The following SYNCRIP variants were observed in gnomAD, a reference collection of about 807,000 sequenced individuals.
SYNCRIP encodes the protein synaptotagmin binding cytoplasmic RNA interacting protein.
In SYNCRIP, 9 loss-of-function variants were observed where a neutral mutation model predicts 68.9. The observed-to-expected ratio is 0.13, with a 90% CI of 0.08 to 0.23. The LOEUF is 0.23. Among genes scored for constraint, SYNCRIP ranks in the 10% least tolerant of loss-of-function variants. The pLI is 1.00. For synonymous variants in SYNCRIP, 258 were observed against 254.0 expected, an observed-to-expected ratio of 1.02 and a Z score of -0.15; for missense variants, 414 against 770.6, an observed-to-expected ratio of 0.54 and a Z score of 5.48.
intron 6 of SYNCRIP, among the ~76,000 whole-genome samples, chr6:85,625,519 C>T (rs1204910608): frequency 6.6e-6 from 1 of 152,008 alleles, no homozygotes; most frequent in Admixed American, 6.6e-5. Context: ...TCCCGAGTAG[C>T]TGTGATTACA....
At chr6:85,636,243 G>A (rs1411421303) in intron 6 of SYNCRIP, among the ~76,000 whole-genome samples, 10 of 151,992 alleles carry the variant, frequency 6.6e-5, no homozygotes, top group Admixed American at 3.9e-4. Flanking sequence ...TCAGGAGTTC[G>A]AGACCAGCCT....
At chr6:85,633,024 G>A (rs976032293) in intron 6 of SYNCRIP, among the ~76,000 whole-genome samples, 4 of 149,652 alleles carry the variant, frequency 2.7e-5, no homozygotes, top group Admixed American at 2.0e-4. Context: ...AAGCCAAGGC[G>A]GGTGAATCAC....
In SYNCRIP at chr6:85,624,097, T is replaced by C. The variant is rs757585499; in HGVS notation, c.682A>G (p.Ile228Val). 3 of 1,613,704 alleles carry C rather than the reference T, an allele frequency of 1.9e-6. No individual in the cohort carries two copies. The highest frequency in any genetic ancestry group is 2.5e-6 in the Non-Finnish European group (3 of 1,179,846). ...ACACCAATATGTTTTCCAGAACGAA[T>C]TTCATGATTATTATACTGAAAGGGG... Reference protein sequence around the residue: ...EAVKLYNNHEIRSGKHIGVCI... With the variant: ...EAVKLYNNHEVRSGKHIGVCI... The change falls in exon 7 of 11, where the codon ATT becomes GTT. Residue 228 changes from isoleucine to valine, a missense_variant. Physicochemically the swap from Ile to Val is conservative, Grantham distance 29. Transcript: ENST00000369622.
In SYNCRIP at chr6:85,640,567, G is replaced by A. The variant is rs753611798; in HGVS notation, c.149-3C>T. The A allele has an allele frequency of 6.5e-7, 1 of 1,537,572 alleles. No individual in the cohort carries two copies. Among genetic ancestry groups the A allele is most frequent in the South Asian group, 1.2e-5 (1 of 81,698 alleles). On this transcript the variant is annotated splice_region_variant and splice_polypyrimidine_tract_variant and intron_variant, in intron 2 of 10. Coordinates refer to ENST00000369622, the MANE Select transcript of SYNCRIP (RefSeq NM_006372.5). ...TAAATCACTATGTGCAACTAGCCCT[G>A]AAAAAAATAAAAGTTATCAGCTTTT...
chr6:85,637,760 C>T (rs1808624081), intron 4 of SYNCRIP, among the ~76,000 whole-genome samples: 2 of 152,190 alleles, frequency 1.3e-5, no homozygotes. Context: ...CTATAAACCC[C>T]ACTCCTAGGT....
chr6:85,633,786 A>G (rs1249432592), intron 6 of SYNCRIP, among the ~76,000 whole-genome samples: 1 of 151,918 alleles, frequency 6.6e-6, no homozygotes. Flanking sequence ...CTGGGACCAC[A>G]GGTGCACGCT....
intron 1 of SYNCRIP, among the ~76,000 whole-genome samples, chr6:85,642,407 G>A (rs1193381907): frequency 1.3e-5 from 2 of 152,180 alleles, no homozygotes; most frequent in East Asian, 3.9e-4. Flanking sequence ...TTCAGCGGAC[G>A]GCTCAACGCC....
intron 6 of SYNCRIP, among the ~76,000 whole-genome samples, chr6:85,631,421 G>A (rs1807773682): frequency 6.6e-6 from 1 of 151,798 alleles, no homozygotes; most frequent in African/African-American, 2.4e-5. Flanking sequence ...GGGGAAAGAG[G>A]TAAGAAGGAA....
At chr6:85,639,250 C>A (rs1343151585) in intron 4 of SYNCRIP, among the ~76,000 whole-genome samples, 1 of 151,984 alleles carries the variant, frequency 6.6e-6, no homozygotes, top group Non-Finnish European at 1.5e-5. Context: ...AAGCCACCCC[C>A]TTGCAAAAAA....
intron 8 of SYNCRIP, among the ~76,000 whole-genome samples, chr6:85,621,199 C>A (rs1213902588): frequency 6.6e-6 from 1 of 152,220 alleles, no homozygotes; most frequent in Non-Finnish European, 1.5e-5. Flanking sequence ...TTTCTCTTCT[C>A]TAAGACCACT....
chr6:85,636,083 C>A (rs928920269), intron 6 of SYNCRIP, among the ~76,000 whole-genome samples: 1 of 152,130 alleles, frequency 6.6e-6, no homozygotes, highest in Non-Finnish European at 1.5e-5. Flanking sequence ...AATGCAGAAA[C>A]CACTTCTGTC....
chr6:85,639,709 A>C (rs1808903483), intron 4 of SYNCRIP, among the ~76,000 whole-genome samples: 2 of 152,214 alleles, frequency 1.3e-5, no homozygotes, highest in Non-Finnish European at 2.9e-5. Context: ...TTTAAACCAA[A>C]AAAAAAGCCT....
intron 8 of SYNCRIP, 37 bp from the exon 9 acceptor site, chr6:85,619,454 A>G: frequency 6.3e-7 from 1 of 1,585,258 alleles, no homozygotes; most frequent in Non-Finnish European, 8.6e-7. Context: ...ATTATTTCCA[A>G]AGAGTTCCAT....
chr6:85,635,003 A>C (rs1808282427), intron 6 of SYNCRIP, among the ~76,000 whole-genome samples: 2 of 152,152 alleles, frequency 1.3e-5, no homozygotes, highest in South Asian at 4.1e-4. Flanking sequence ...CATCTCTACC[A>C]AATATACAAA....
upstream of SYNCRIP, chr6:85,643,240 C>G (rs1238869981): frequency 6.6e-6 from 1 of 152,428 alleles, no homozygotes; most frequent in South Asian, 2.1e-4. Flanking sequence ...CGCACGCTCC[C>G]TCACTCCCTC....
chr6:85,623,436 C>T (rs183928512), intron 7 of SYNCRIP, among the ~76,000 whole-genome samples: 13 of 151,362 alleles, frequency 8.6e-5, no homozygotes, highest in African/African-American at 2.2e-4. Flanking sequence ...TGGTGGTGCG[C>T]GCCTGTAATC....
chr6:85,614,222 G>A lies in SYNCRIP; in HGVS notation c.*534C>T. 1.0e-6 allele frequency: 1 copy of A among 985,684 alleles called. No homozygotes were observed. The highest frequency in any genetic ancestry group is 1.2e-6 in the Non-Finnish European group (1 of 829,812). The allele number at this position is 985,684 out of a possible 1,614,324, so 61.1% of individuals were successfully genotyped here. A position where few individuals can be genotyped will look rare whatever the true frequency, so the allele number is the denominator to read the frequency against. On this transcript the variant is annotated 3_prime_UTR_variant, in exon 11 of 11. Coordinates refer to ENST00000369622, the MANE Select transcript of SYNCRIP (RefSeq NM_006372.5). ...CACAATTTTAGTAAGTATACATTTA[G>A]GTGTGAATTTTTTATTGAAATAAAC...
chr6:85,621,066 T>G (rs1806325897), intron 8 of SYNCRIP, among the ~76,000 whole-genome samples: 1 of 152,154 alleles, frequency 6.6e-6, no homozygotes, highest in African/African-American at 2.4e-5. Flanking sequence ...ATTACAAAAT[T>G]TAACCTCTTC....
chr6:85,615,513 CAGAGG>C (rs1805670921), intron 10 of SYNCRIP, among the ~76,000 whole-genome samples, 166 bp from the exon 11 acceptor site: 1 of 152,188 alleles, frequency 6.6e-6, no homozygotes, highest in South Asian at 2.1e-4. Context: ...TAGTAATGAT[CAGAGG>C]ATCAGGATGA....
Sources: allele counts gnomAD v4.1 joint callset (sites outside exome capture counted in the v4.1 genomes callset), GRCh38; gene constraint gnomAD v4.1.1; transcripts MANE v1.5; gene names NCBI Gene and HGNC (gene_info 2026-07-23, HGNC 2026-07-21).